PDZD8: variants seen among roughly 807,000 people sequenced by gnomAD.
The protein encoded by PDZD8 is PDZ domain containing 8.
In PDZD8, 14 loss-of-function variants were observed where a neutral mutation model predicts 85.8. That is an observed-to-expected ratio of 0.16 (90% CI 0.11 to 0.26). The LOEUF (loss-of-function observed/expected upper bound fraction) is 0.26, where lower values mean the gene tolerates loss of function less well. PDZD8 is among the 10% of genes least tolerant of loss of function. The pLI, the probability that PDZD8 is intolerant of heterozygous loss-of-function variation, is 1.00. For missense variants in PDZD8, 1,197 were observed against 1,424.3 expected, an observed-to-expected ratio of 0.84 and a Z score of 2.57; for synonymous variants, 592 against 568.6, an observed-to-expected ratio of 1.04 and a Z score of -0.59.
rs1844626717 is a variant in PDZD8 at position 117,284,592 on chromosome 10, G to T, written c.2141C>A (p.Ala714Glu). The T allele has an allele frequency of 8.7e-6, 14 of 1,614,168 alleles. No homozygotes were observed. Among genetic ancestry groups the T allele is most frequent in the Non-Finnish European group, 1.0e-5 (12 of 1,180,026 alleles). ...IEACHRYLNIALWCRDPFKLG... is the reference protein window; with the variant it reads ...IEACHRYLNIELWCRDPFKLG... ...CTTGAAAGGATCCCTGCACCACAAT[G>T]CAATGTTTAAGTACCTGTGACAGGC... The change falls in exon 5 of 5, where the codon GCA becomes GAA. Residue 714 changes from alanine (A) to glutamate (E), a missense_variant. By Grantham distance (107) the Ala-to-Glu change is moderately radical. Coordinates refer to ENST00000334464, the MANE Select transcript of PDZD8 (RefSeq NM_173791.5).
intron 1 of PDZD8, among the ~76,000 whole-genome samples, chr10:117,347,193 G>T (rs1030075759): frequency 6.6e-6 from 1 of 151,716 alleles, no homozygotes; most frequent in African/African-American, 2.4e-5. Flanking sequence ...ATTATACCCC[G>T]CCAGCATTAA....
intron 3 of PDZD8, among the ~76,000 whole-genome samples, chr10:117,312,466 GCAA>G (rs937029578): frequency 6.6e-6 from 1 of 152,070 alleles, no homozygotes; most frequent in Non-Finnish European, 1.5e-5. Flanking sequence ...TCACTAAACT[GCAA>G]CAAGCCAGAA....
chr10:117,305,995 A>G (rs1264737347), intron 3 of PDZD8, among the ~76,000 whole-genome samples: 1 of 152,192 alleles, frequency 6.6e-6, no homozygotes, highest in Non-Finnish European at 1.5e-5. Flanking sequence ...GTTGTTGTCA[A>G]CATTAAATGA....
chr10:117,322,821 G>A (rs1419973044), intron 2 of PDZD8, among the ~76,000 whole-genome samples: 1 of 152,132 alleles, frequency 6.6e-6, no homozygotes, highest in East Asian at 1.9e-4. Context: ...CCTGGTCAGG[G>A]AATGGGTCAG....
intron 3 of PDZD8, among the ~76,000 whole-genome samples, chr10:117,294,863 G>A (rs1194368721): frequency 6.6e-6 from 1 of 152,158 alleles, no homozygotes; most frequent in Non-Finnish European, 1.5e-5. Flanking sequence ...GGGGAGAATA[G>A]GGGGAGTGGG....
chr10:117,349,163 C>T (rs867858594), intron 1 of PDZD8, among the ~76,000 whole-genome samples: 9 of 152,154 alleles, frequency 5.9e-5, no homozygotes, highest in Admixed American at 3.3e-4. Flanking sequence ...GCAACGATGT[C>T]CTAAACCCAG....
intron 3 of PDZD8, among the ~76,000 whole-genome samples, chr10:117,301,162 T>C (rs2133780569): frequency 6.6e-6 from 1 of 152,164 alleles, no homozygotes; most frequent in South Asian, 2.1e-4. Flanking sequence ...CTAATTTTTA[T>C]TTTTAGTAGA....
At chr10:117,350,521 C>T (rs1312549756) in intron 1 of PDZD8, among the ~76,000 whole-genome samples, 1 of 151,176 alleles carries the variant, frequency 6.6e-6, no homozygotes, top group Non-Finnish European at 1.5e-5. Context: ...GCTTCGGCCT[C>T]CCAAAGTGCT....
intron 1 of PDZD8, among the ~76,000 whole-genome samples, chr10:117,370,339 A>C (rs1431610445): frequency 6.6e-6 from 1 of 152,234 alleles, no homozygotes; most frequent in African/African-American, 2.4e-5. Context: ...TAGCATCTCT[A>C]GGTGAAACAT....
Position 117,374,959 on chromosome 10 carries a change from G to A in PDZD8, c.269C>T (p.Pro90Leu), listed in dbSNP as rs1382580136. 7 of 1,608,844 alleles carry A rather than the reference G, an allele frequency of 4.4e-6. No individual in the cohort carries two copies. The highest frequency in any genetic ancestry group is 8.5e-7 in the Non-Finnish European group (1 of 1,178,102). ...PTAAPETPAP[P>L]TRETCYFLNA... ...GAGGAAGTAGCAAGTCTCCCGCGTC[G>A]GCGGGGCGGGGGTCTCGGGGGCCGC... is the stretch of plus-strand genomic sequence containing the variant. Residue 90 changes from proline (P) to leucine (L), a missense_variant, in exon 1 of 5, where the codon CCG (proline) becomes CTG (leucine). By Grantham distance (98) the Pro-to-Leu change is moderately conservative. Transcript: ENST00000334464. This position sits in a 1 kb window ranked among gnomAD's most constrained non-coding sequence, Gnocchi z 7.8.
rs768040563 is a variant in PDZD8 at position 117,284,178 on chromosome 10, G to A, written c.2555C>T (p.Thr852Ile). 32 of 1,614,040 alleles carry A rather than the reference G, an allele frequency of 2.0e-5. No individual in the cohort carries two copies. In the Admixed American group the frequency reaches 4.8e-4, roughly 24 times the overall value. The change falls in exon 5 of 5, where the codon ACA becomes ATA. Residue 852 changes from threonine (T) to isoleucine (I), a missense_variant. By Grantham distance (89) the Thr-to-Ile change is moderately conservative. This residue lies in a region of PDZD8 where 418 missense variants were observed against 571.1 expected (regional missense o/e 0.73). Transcript: ENST00000334464. The part of the protein sequence containing the change: ...SFQDTQFQNP[T>I]WCDYCKKKVW... The stretch of plus-strand genomic sequence containing the variant: ...TTTTTTCTTACAGTAGTCACACCAT[G>A]TTGGGTTCTGGAACTGAGTATCCTG...
intron 2 of PDZD8, among the ~76,000 whole-genome samples, chr10:117,328,604 G>C (rs1278642099): frequency 2.0e-5 from 3 of 151,932 alleles, no homozygotes; most frequent in Non-Finnish European, 4.4e-5. Flanking sequence ...TTTTTGTAGA[G>C]AGAAGGTCTC....
chr10:117,353,698 A>T (rs893599113), intron 1 of PDZD8, among the ~76,000 whole-genome samples: 1 of 145,492 alleles, frequency 6.9e-6, no homozygotes, highest in African/African-American at 2.5e-5. Context: ...GTGTGTGGCA[A>T]GATGAACAAG....
chr10:117,290,264 T>A lies in PDZD8; in HGVS notation c.1183A>T (p.Ile395Phe), dbSNP rs773641863. 6.8e-6 allele frequency: 11 copies of A among 1,613,970 alleles called. No individual in the cohort carries two copies. The highest frequency in any genetic ancestry group is 8.5e-7 in the Non-Finnish European group (1 of 1,179,958). ...QSTDGYAGHVIIETVAPNSPA... is the reference protein window; with the variant it reads ...QSTDGYAGHVFIETVAPNSPA... ...GAGTTTGGAGCCACAGTTTCAATGA[T>A]GACGTGCCCAGCATACCCATCAGTT... is the stretch of plus-strand genomic sequence containing the variant. The change falls in exon 4 of 5, where the codon ATC becomes TTC. Residue 395 changes from isoleucine (I) to phenylalanine (F), a missense_variant. Transcript: ENST00000334464.
At chr10:117,369,548 C>T (rs1845153680) in intron 1 of PDZD8, among the ~76,000 whole-genome samples, 1 of 152,164 alleles carries the variant, frequency 6.6e-6, no homozygotes, top group African/African-American at 2.4e-5. Flanking sequence ...CTCTCCCTCT[C>T]CACTCCAGCT....
intron 1 of PDZD8, among the ~76,000 whole-genome samples, chr10:117,371,427 C>T (rs1057201986): frequency 2.0e-5 from 3 of 152,252 alleles, no homozygotes; most frequent in Admixed American, 1.3e-4. Context: ...TTAAGTAATC[C>T]GCCTGTCTCA....
intron 1 of PDZD8, among the ~76,000 whole-genome samples, chr10:117,343,410 C>G (rs1277538027): frequency 6.6e-6 from 1 of 152,096 alleles, no homozygotes; most frequent in Admixed American, 6.5e-5. Context: ...TTGATTCAGA[C>G]AGACTGGCAC....
intron 3 of PDZD8, among the ~76,000 whole-genome samples, chr10:117,306,554 A>C (rs1466500296): frequency 6.6e-6 from 1 of 152,160 alleles, no homozygotes; most frequent in Non-Finnish European, 1.5e-5. Context: ...TCTTATTCTG[A>C]ATCACCAGGT....
intron 1 of PDZD8, among the ~76,000 whole-genome samples, chr10:117,372,551 C>G (rs564932140): frequency 8.4e-4 from 128 of 152,306 alleles, no homozygotes; most frequent in African/African-American, 3.0e-3. Flanking sequence ...ACCAAAATTT[C>G]TAGCAACTTT....
Sources: gnomAD v4.1 joint callset for allele counts (sites outside exome capture counted in the v4.1 genomes callset) on GRCh38, gnomAD v4.1.1 for gene constraint, gnomAD v4.1.1 regional missense constraint, Gnocchi (gnomAD v3.1) non-coding constraint, MANE v1.5 for transcripts, NCBI Gene and HGNC (gene_info 2026-07-23, HGNC 2026-07-21) for gene names.